Variants in ARHGEF10L observed in about 807,000 individuals in gnomAD.
ARHGEF10L encodes rho guanine nucleotide exchange factor 10-like protein.
In ARHGEF10L, 69 loss-of-function variants were observed where a neutral mutation model predicts 141.2. The observed-to-expected ratio is 0.49, with a 90% CI of 0.40 to 0.60. The LOEUF is 0.60. Among genes scored for constraint, ARHGEF10L ranks in the 20% least tolerant of loss-of-function variants. ARHGEF10L has a pLI of 0.00. For synonymous variants in ARHGEF10L, 711 were observed against 718.5 expected (o/e 0.99, Z 0.17); for missense variants, 1,482 against 1,734.3 (o/e 0.85, Z 2.58).
chr1:17,634,654 C>T (rs562877713), intron 17 of ARHGEF10L, 92 bp downstream of exon 17: 109 of 1,544,648 alleles, frequency 7.1e-5, no homozygotes, highest in Non-Finnish European at 8.3e-5. Flanking sequence ...GGGGCCTGGG[C>T]GCCTGGTGCT....
At chr1:17,598,205 G>C (rs1456085723) in intron 4 of ARHGEF10L, among the ~76,000 whole-genome samples, 1 of 151,634 alleles carries the variant, frequency 6.6e-6, no homozygotes, top group South Asian at 2.1e-4. Context: ...GGGTTCAAGC[G>C]ATTCTCCCAT....
At chr1:17,538,591 TCTC>T (rs1355763101), upstream of ARHGEF10L, among the ~76,000 whole-genome samples, 3 of 151,956 alleles carry the variant, frequency 2.0e-5, no homozygotes, top group Non-Finnish European at 2.9e-5. Flanking sequence ...ATTTGCGTCT[TCTC>T]CTAAGCCTAT....
At chr1:17,535,462 C>T (rs957170086), upstream of ARHGEF10L, among the ~76,000 whole-genome samples, 21 of 152,194 alleles carry the variant, frequency 1.4e-4, no homozygotes, top group Admixed American at 6.5e-4. Flanking sequence ...CTGGTGGGAG[C>T]GGGGCCAGAC....
In ARHGEF10L at chr1:17,625,883, C is replaced by T. The variant is rs1254969439; in HGVS notation, c.1318-73C>T. 1 of 1,324,122 alleles carries T rather than the reference C, an allele frequency of 7.6e-7. No individual in the cohort carries two copies. The highest frequency in any genetic ancestry group is 1.5e-5 in the African/African-American group (1 of 68,856). 82.0% of individuals were successfully genotyped at this position (1,324,122 alleles called of 1,614,324 possible). ...TGGGGAGAGGAGCCCAGAATGGGGA[C>T]AGTGTCTGGACTCTGGGGCACTGGG... On this transcript the variant is annotated intron_variant, in intron 13 of 28. Transcript: ENST00000361221. This position sits in a 1 kb window ranked among gnomAD's most constrained non-coding sequence, Gnocchi z 4.5.
intron 26 of ARHGEF10L, among the ~76,000 whole-genome samples, chr1:17,685,998 A>AGCAGG: frequency 6.6e-6 from 1 of 152,340 alleles, no homozygotes; most frequent in East Asian, 1.9e-4. Flanking sequence ...CTGCTCCTGG[A>AGCAGG]GTAAGCCTCA....
At chr1:17,584,552 A>G (rs1185757802) in intron 2 of ARHGEF10L, among the ~76,000 whole-genome samples, 1 of 152,230 alleles carries the variant, frequency 6.6e-6, no homozygotes, top group Non-Finnish European at 1.5e-5. Flanking sequence ...TCATATGCTG[A>G]CAACAGCCAT....
intron 1 of ARHGEF10L, among the ~76,000 whole-genome samples, chr1:17,579,022 T>G (rs929567366): frequency 7.9e-5 from 12 of 152,038 alleles, no homozygotes; most frequent in African/African-American, 2.7e-4. Flanking sequence ...GACTAACTTT[T>G]TTTTTTTTAA....
At chr1:17,611,251 A>G (rs2059533853) in intron 7 of ARHGEF10L, among the ~76,000 whole-genome samples, 1 of 152,170 alleles carries the variant, frequency 6.6e-6, no homozygotes, top group Non-Finnish European at 1.5e-5. Flanking sequence ...TTATGGATGA[A>G]CAGGACTCAG....
At chr1:17,583,491 T>C (rs1444383049) in intron 2 of ARHGEF10L, among the ~76,000 whole-genome samples, 1 of 152,206 alleles carries the variant, frequency 6.6e-6, no homozygotes, top group Non-Finnish European at 1.5e-5. Flanking sequence ...AGGTGCTTTA[T>C]TTATGTTCAT....
At chr1:17,555,022 G>T (rs1226592577) in intron 1 of ARHGEF10L, among the ~76,000 whole-genome samples, 9 of 152,182 alleles carry the variant, frequency 5.9e-5, no homozygotes, top group Admixed American at 2.0e-4. Context: ...AAGCATGTGT[G>T]TTGCCAATAT....
rs550153017 is a variant in ARHGEF10L, at chr1:17,607,789, G to A, written c.434-13G>A. 12 of 1,550,476 alleles carry A rather than the reference G, an allele frequency of 7.7e-6. No individual in the cohort carries two copies. Among genetic ancestry groups the A allele is most frequent in the Middle Eastern group, 2.1e-4 (1 of 4,806 alleles). On this transcript the variant is annotated splice_polypyrimidine_tract_variant and intron_variant, in intron 6 of 28. Coordinates refer to ENST00000361221, the MANE Select transcript of ARHGEF10L (RefSeq NM_018125.4). This position sits in a 1 kb window ranked among gnomAD's most constrained non-coding sequence, Gnocchi z 4.5. The stretch of plus-strand genomic sequence containing the variant: ...TCAGGGCCTGGGCTCACCGGCTGCC[G>A]CTTGGCCAGCAGGGGCAGAGAGGAA...
chr1:17,648,742 C>A, intron 22 of ARHGEF10L, 67 bp downstream of exon 22: 1 of 1,574,532 alleles, frequency 6.4e-7, no homozygotes, highest in Non-Finnish European at 8.7e-7. Context: ...CCTGGGAGAA[C>A]CAGAGTTTCC....
At chr1:17,540,944 C>T (rs1162257511) in intron 1 of ARHGEF10L, among the ~76,000 whole-genome samples, 2 of 152,212 alleles carry the variant, frequency 1.3e-5, no homozygotes, top group South Asian at 4.1e-4. Context: ...CTGTGCCCCC[C>T]ACGGTGTTCA....
At position 17,634,647 on chromosome 1, in the gene ARHGEF10L, G is replaced by A. The variant is rs2060894921; in HGVS notation, c.1745+85G>A. The A allele has an allele frequency of 1.9e-6, 3 of 1,552,572 alleles. No homozygotes were observed. The South Asian group carries it at 3.6e-5, about 19-fold the overall frequency. On this transcript the variant is annotated intron_variant, in intron 17 of 28. Coordinates refer to ENST00000361221, the MANE Select transcript of ARHGEF10L (RefSeq NM_018125.4). ...ATGTGATTCTGGATATGGGGCTGGG[G>A]CCTGGGCGCCTGGTGCTTCTACCCT... is the stretch of plus-strand genomic sequence containing the variant.
Position 17,654,644 on chromosome 1 carries a change from C to T in ARHGEF10L, c.2403C>T (p.Ala801=). The T allele has an allele frequency of 6.2e-7, 1 of 1,614,188 alleles. No homozygotes were observed. The highest frequency in any genetic ancestry group is 8.5e-7 in the Non-Finnish European group (1 of 1,180,022). The change falls in exon 23 of 29, where the codon GCC becomes GCT. Residue 801 remains alanine, a synonymous_variant. Coordinates refer to ENST00000361221, the MANE Select transcript of ARHGEF10L (RefSeq NM_018125.4). The surrounding 1 kb of genome is among the most constrained non-coding windows in gnomAD (Gnocchi z 4.3). ...CGTCTCTGTCTCTGCAGCTTGGGGC[C>T]CTGGTCCACAGTCCTGTCAACTGTC... ...SSRALSLQLG[A]LVHSPVNCPL... is the part of the protein sequence containing the mutation.
intron 15 of ARHGEF10L, among the ~76,000 whole-genome samples, chr1:17,630,289 A>C (rs1310539650): frequency 6.6e-6 from 1 of 152,226 alleles, no homozygotes; most frequent in Non-Finnish European, 1.5e-5. Context: ...CGTTTGTGCA[A>C]TATCCTGGTT....
intron 21 of ARHGEF10L, among the ~76,000 whole-genome samples, chr1:17,643,095 G>T (rs530876295): frequency 6.6e-6 from 1 of 152,278 alleles, no homozygotes; most frequent in South Asian, 2.1e-4. Flanking sequence ...TTCCCCTGGG[G>T]CTTGAATAAT....
intron 4 of ARHGEF10L, among the ~76,000 whole-genome samples, chr1:17,599,509 A>G (rs962669778): frequency 1.3e-5 from 2 of 152,094 alleles, no homozygotes; most frequent in Admixed American, 1.3e-4. Context: ...TTCCAGCCGG[A>G]AGAGTTTGGT....
At chr1:17,690,819 TG>T (rs2065047147) in intron 27 of ARHGEF10L, among the ~76,000 whole-genome samples, 2 of 152,326 alleles carry the variant, frequency 1.3e-5, no homozygotes, top group East Asian at 1.9e-4. Context: ...GACCAGAGCG[TG>T]GGGGGCAGCT....
Sources: allele counts gnomAD v4.1 joint callset (sites outside exome capture counted in the v4.1 genomes callset), GRCh38; gene constraint gnomAD v4.1.1; non-coding constraint Gnocchi (gnomAD v3.1); transcripts MANE v1.5; gene names NCBI Gene and HGNC (gene_info 2026-07-23, HGNC 2026-07-21).